HHAT: variants seen among roughly 807,000 people sequenced by gnomAD.
HHAT encodes the protein hedgehog acyltransferase.
In HHAT, 47 loss-of-function variants were observed where a neutral mutation model predicts 70.8. The ratio of observed to expected loss-of-function variants is 0.66; its 90% CI spans 0.53 to 0.85. The LOEUF (loss-of-function observed/expected upper bound fraction) is 0.85, where lower values mean the gene tolerates loss of function less well. Among genes scored for constraint, HHAT ranks in the 40% least tolerant of loss-of-function variants. The pLI is 0.00. For synonymous variants in HHAT, 228 were observed against 247.6 expected (o/e 0.92, Z 0.74); for missense variants, 609 against 604.8 (o/e 1.01, Z -0.07).
rs527696959 is a variant in HHAT at position 210,668,504 on chromosome 1, A to C, written c.1391-5784A>C. 5.3e-5 allele frequency among the ~76,000 whole-genome samples: 8 copies of C among 152,314 alleles called. No homozygotes were observed. The East Asian group carries it at 1.5e-3, about 29-fold the overall frequency. Reference sequence around the variant, plus strand: ...TTTATAAAGGGCAGTTCCCCCGCACATGCTCTCTTGCCTGCCACCATGTAA... The same window carrying C: ...TTTATAAAGGGCAGTTCCCCCGCACCTGCTCTCTTGCCTGCCACCATGTAA... On this transcript the variant is annotated intron_variant, in intron 11 of 11. Transcript: ENST00000261458.
Position 210,675,762 on chromosome 1 carries a change from C to T in HHAT, c.*1383C>T, listed in dbSNP as rs1680988341. On this transcript the variant is annotated 3_prime_UTR_variant, in exon 12 of 12. Coordinates refer to ENST00000261458, the MANE Select transcript of HHAT (RefSeq NM_018194.6). ...CAAAGAGATGGGAGGGGGCCAGATA[C>T]TGACTACCTGGGGTAGGCACATTAT... The T allele has an allele frequency of 6.6e-6, 1 of 152,226 alleles. No homozygotes were observed. The highest frequency in any genetic ancestry group is 6.5e-5 in the Admixed American group (1 of 15,282). 9.4% of individuals were successfully genotyped at this position (152,226 alleles called of 1,614,324 possible).
intron 11 of HHAT, among the ~76,000 whole-genome samples, chr1:210,658,301 C>T (rs1487207146): frequency 6.6e-6 from 1 of 152,158 alleles, no homozygotes; most frequent in Non-Finnish European, 1.5e-5. Context: ...CCTCCCAGCC[C>T]TGCCCCTGAG....
At chr1:210,338,879 G>GA (rs1052471687) in intron 1 of HHAT, among the ~76,000 whole-genome samples, 11 of 152,076 alleles carry the variant, frequency 7.2e-5, no homozygotes, top group African/African-American at 2.4e-4. Context: ...AGATTTCAAG[G>GA]AAAAACACAA....
chr1:210,511,250 GC>G (rs2094947464), intron 8 of HHAT, among the ~76,000 whole-genome samples: 1 of 151,952 alleles, frequency 6.6e-6, no homozygotes, highest in Non-Finnish European at 1.5e-5. Context: ...AGAGCTCTGT[GC>G]AGAAGACTTA....
At chr1:210,558,769 A>G (rs1035839101) in intron 9 of HHAT, among the ~76,000 whole-genome samples, 7 of 152,250 alleles carry the variant, frequency 4.6e-5, no homozygotes, top group African/African-American at 1.7e-4. Flanking sequence ...GCCATTCAGA[A>G]TTTTGCCAGT....
intron 9 of HHAT, among the ~76,000 whole-genome samples, chr1:210,542,069 C>G (rs1185079050): frequency 6.6e-6 from 1 of 152,200 alleles, no homozygotes; most frequent in Admixed American, 6.5e-5. Context: ...CCTTGATGTC[C>G]CTTTGGCTGT....
At chr1:210,580,773 C>T (rs1447058711) in intron 9 of HHAT, among the ~76,000 whole-genome samples, 1 of 148,634 alleles carries the variant, frequency 6.7e-6, no homozygotes, top group Non-Finnish European at 1.5e-5. Flanking sequence ...GTGAATAGTG[C>T]TGCAAAAAAC....
chr1:210,471,469 C>T (rs565130239), intron 8 of HHAT, among the ~76,000 whole-genome samples: 23 of 151,400 alleles, frequency 1.5e-4, no homozygotes, highest in African/African-American at 4.6e-4. Flanking sequence ...TCAGACTTGG[C>T]TAGGAGAGAG....
chr1:210,489,898 TAAC>T lies in HHAT; in HGVS notation c.1008-23250_1008-23248del, dbSNP rs564537020. On this transcript the variant is annotated intron_variant, in intron 8 of 11. Transcript: ENST00000261458. ...CAGTCCCAGTCCTTTGTGAAGGCCA[TAAC>T]AACATTTATGATTATTTCAGATCAG... 1.6e-3 allele frequency among the ~76,000 whole-genome samples: 239 copies of T among 152,290 alleles called. 1 individual carries two copies. Among genetic ancestry groups the T allele is most frequent in the Middle Eastern group, 6.8e-3 (2 of 294 alleles).
At chr1:210,654,168 C>T (rs201605058) in intron 11 of HHAT, among the ~76,000 whole-genome samples, 1 of 114,518 alleles carries the variant, frequency 8.7e-6, no homozygotes, top group Admixed American at 8.7e-5. Context: ...AATAGTGTGA[C>T]AGCAGAATAG....
intron 7 of HHAT, among the ~76,000 whole-genome samples, chr1:210,444,709 T>C (rs1249222899): frequency 6.6e-6 from 1 of 152,196 alleles, no homozygotes; most frequent in Non-Finnish European, 1.5e-5. Flanking sequence ...AGACTGGGTG[T>C]CACTATTTTG....
chr1:210,506,762 G>A (rs538652739), intron 8 of HHAT, among the ~76,000 whole-genome samples: 1 of 152,290 alleles, frequency 6.6e-6, no homozygotes, highest in African/African-American at 2.4e-5. Flanking sequence ...TGCAGTGTAT[G>A]ATGCTAAGTG....
chr1:210,487,991 A>G (rs777945268), intron 8 of HHAT, among the ~76,000 whole-genome samples: 6 of 152,174 alleles, frequency 3.9e-5, no homozygotes, highest in Non-Finnish European at 5.9e-5. Context: ...CAGATGATAC[A>G]TTAGTTTCAA....
At chr1:210,432,139 C>A (rs995503578) in intron 7 of HHAT, among the ~76,000 whole-genome samples, 4 of 151,684 alleles carry the variant, frequency 2.6e-5, no homozygotes, top group Non-Finnish European at 5.9e-5. Context: ...CCCAGGGATG[C>A]GACTGGAGCT....
intron 7 of HHAT, among the ~76,000 whole-genome samples, chr1:210,434,053 C>G (rs1009915971): frequency 6.6e-6 from 1 of 151,824 alleles, no homozygotes; most frequent in African/African-American, 2.4e-5. Flanking sequence ...ATCAATGAAT[C>G]AGAAGGAATA....
At chr1:210,647,447 G>T (rs1036048656) in intron 11 of HHAT, among the ~76,000 whole-genome samples, 3 of 152,076 alleles carry the variant, frequency 2.0e-5, no homozygotes, top group African/African-American at 7.2e-5. Flanking sequence ...TTTTCCTCCA[G>T]CCAGGATGCC....
chr1:210,378,329 A>C (rs2090383865), intron 3 of HHAT, among the ~76,000 whole-genome samples: 1 of 152,244 alleles, frequency 6.6e-6, no homozygotes, highest in Non-Finnish European at 1.5e-5. Context: ...ATATGGTCTC[A>C]AAGTAAACAA....
intron 9 of HHAT, among the ~76,000 whole-genome samples, chr1:210,565,794 G>GTT (rs1219019762): frequency 6.6e-6 from 1 of 152,178 alleles, no homozygotes; most frequent in African/African-American, 2.4e-5. Context: ...CAGGAAGCAT[G>GTT]TTTTCTTCAA....
At chr1:210,436,455 T>A (rs936203999) in intron 7 of HHAT, among the ~76,000 whole-genome samples, 2 of 151,804 alleles carry the variant, frequency 1.3e-5, no homozygotes, top group Non-Finnish European at 2.9e-5. Context: ...CGGGGTCTTT[T>A]GTAGTTCCAT....
Sources: allele counts gnomAD v4.1 joint callset (sites outside exome capture counted in the v4.1 genomes callset), GRCh38; gene constraint gnomAD v4.1.1; transcripts MANE v1.5; gene names NCBI Gene and HGNC (gene_info 2026-07-23, HGNC 2026-07-21).